The following FBF1 variants were observed in gnomAD, a reference collection of about 807,000 sequenced individuals.
FBF1 encodes the protein fas-binding factor 1.
A neutral mutation model predicts 147.2 loss-of-function variants in FBF1; 119 were observed. The observed-to-expected ratio is 0.81, with a 90% CI of 0.70 to 0.94. The LOEUF (loss-of-function observed/expected upper bound fraction) is 0.94, where lower values mean the gene tolerates loss of function less well. Ranked by LOEUF, FBF1 falls within the 40% of genes least tolerant of loss-of-function variation. The pLI, the probability that FBF1 is intolerant of heterozygous loss-of-function variation, is 0.00. For missense variants in FBF1, 1,449 were observed against 1,500.8 expected, an observed-to-expected ratio of 0.97 and a Z score of 0.57; for synonymous variants, 601 against 609.0, an observed-to-expected ratio of 0.99 and a Z score of 0.19.
intron 4 of FBF1, among the ~76,000 whole-genome samples, chr17:75,934,268 T>C (rs932798792): frequency 6.6e-6 from 1 of 152,148 alleles, no homozygotes; most frequent in African/African-American, 2.4e-5. Context: ...TTATGCTACA[T>C]CAGAGAAGCT....
chr17:75,913,869 G>T, intron 27 of FBF1, 44 bp downstream of exon 27: 1 of 1,558,894 alleles, frequency 6.4e-7, no homozygotes, highest in Non-Finnish European at 8.6e-7. Context: ...GTGGGAGGCT[G>T]GGGGTGCCGG....
chr17:75,929,964 C>CCCCAAAAAAAAAA, intron 7 of FBF1, 33 bp downstream of exon 7: 2 of 1,402,194 alleles, frequency 1.4e-6, no homozygotes, highest in Non-Finnish European at 2.0e-6. Flanking sequence ...CACCCACCCC[C>CCCCAAAAAAAAAA]AGTTCTAAGA....
chr17:75,938,743 G>A (rs539920110), intron 1 of FBF1, among the ~76,000 whole-genome samples: 1 of 151,814 alleles, frequency 6.6e-6, no homozygotes, highest in South Asian at 2.1e-4. Context: ...GCAGGCACCT[G>A]TAATCCCAGC....
At chr17:75,914,970 T>G in intron 24 of FBF1, 38 bp from the exon 25 acceptor site, 3 of 1,612,098 alleles carry the variant, frequency 1.9e-6, no homozygotes, top group Non-Finnish European at 2.5e-6. Context: ...TGAGTGTCCC[T>G]GGGCATAATG....
At chr17:75,921,841 CGG>C in intron 15 of FBF1, 102 bp downstream of exon 15, 1 of 1,060,568 alleles carries the variant, frequency 9.4e-7, no homozygotes, top group Non-Finnish European at 1.4e-6. Context: ...GACACGGGGA[CGG>C]GGCAGGGGCA....
At chr17:75,921,808 C>T in intron 15 of FBF1, 137 bp downstream of exon 15, 1 of 803,092 alleles carries the variant, frequency 1.2e-6, no homozygotes, top group Non-Finnish European at 2.0e-6. Context: ...AGGGACGGAG[C>T]AGGGTGGGCA....
In FBF1 at chr17:75,914,738, G is replaced by A. The variant is rs1341800458; in HGVS notation, c.2814+9C>T. On this transcript the variant is annotated intron_variant, in intron 25 of 29. Transcript: ENST00000636174. ...GGGCCCTCCACTGTCCGGAGGCTCT[G>A]GGCCCTACCTTGGCCAGGCTGATGA... is the stretch of plus-strand genomic sequence containing the variant. 3 of 1,552,580 alleles carry A rather than the reference G, an allele frequency of 1.9e-6. No homozygotes were observed. The highest frequency in any genetic ancestry group is 2.6e-6 in the Non-Finnish European group (3 of 1,149,146).
chr17:75,929,945 A>ACGCCC, intron 7 of FBF1, 52 bp downstream of exon 7: 3 of 650,908 alleles, frequency 4.6e-6, no homozygotes, highest in Non-Finnish European at 8.4e-6. Flanking sequence ...AAATATCATG[A>ACGCCC]CCCCACCCCA....
At chr17:75,929,964 C>CCCCAAAAAAA in intron 7 of FBF1, 33 bp downstream of exon 7, 2 of 1,402,194 alleles carry the variant, frequency 1.4e-6, no homozygotes, top group Non-Finnish European at 9.9e-7. Context: ...CACCCACCCC[C>CCCCAAAAAAA]AGTTCTAAGA....
chr17:75,930,433 A>G (rs2144187390), intron 6 of FBF1, among the ~76,000 whole-genome samples: 1 of 152,264 alleles, frequency 6.6e-6, no homozygotes, highest in African/African-American at 2.4e-5. Context: ...TCATCTTACT[A>G]CAGGAAAGAG....
In FBF1 at chr17:75,914,812, G is replaced by C. The variant is rs1467829133; in HGVS notation, c.2749C>G (p.Arg917Gly). The C allele has an allele frequency of 6.3e-7, 1 of 1,577,064 alleles. No homozygotes were observed. The highest frequency in any genetic ancestry group is 1.8e-5 in the Admixed American group (1 of 54,236). ...ACCTGCAATGCCCGCTCGGCCTCGC[G>C]CTCGGCCCGCTCCTTACTCAGCTTT... ...QQKLSKERAE[R>G]EAERALQVDT... Residue 917 changes from arginine (R) to glycine (G), a missense_variant, in exon 25 of 30, where the codon CGC (arginine) becomes GGC (glycine). Physicochemically the swap from Arg to Gly is moderately radical, Grantham distance 125. Transcript: ENST00000636174.
At chr17:75,937,807 G>A in intron 2 of FBF1, 2 of 649,260 alleles carry the variant, frequency 3.1e-6, no homozygotes, top group Non-Finnish European at 2.7e-6. Context: ...AGCGATGGGT[G>A]CCAATGGGCG....
chr17:75,930,291 CA>C (rs2144187155), intron 6 of FBF1, among the ~76,000 whole-genome samples: 1 of 152,302 alleles, frequency 6.6e-6, no homozygotes, highest in African/African-American at 2.4e-5. Flanking sequence ...TCCTTCCAAC[CA>C]TAGAGAACTC....
chr17:75,936,975 G>A (rs182094714), intron 3 of FBF1, among the ~76,000 whole-genome samples: 3 of 152,122 alleles, frequency 2.0e-5, no homozygotes, highest in Non-Finnish European at 2.9e-5. Flanking sequence ...TATGAATATC[G>A]AATTCGTTTC....
intron 10 of FBF1, 63 bp downstream of exon 10, chr17:75,926,695 C>T: frequency 6.4e-7 from 1 of 1,562,370 alleles, no homozygotes; most frequent in Non-Finnish European, 8.7e-7. Flanking sequence ...ACCAGAAAGG[C>T]TGGTTAGCTT....
intron 3 of FBF1, among the ~76,000 whole-genome samples, chr17:75,936,456 C>T (rs1488908396): frequency 6.6e-6 from 1 of 152,120 alleles, no homozygotes; most frequent in Non-Finnish European, 1.5e-5. Context: ...CGCGCCACTG[C>T]ATTCCAGCCT....
Position 75,935,474 on chromosome 17 carries a change from C to T in FBF1, c.73+158G>A, listed in dbSNP as rs1027223662. 3.3e-5 allele frequency among the ~76,000 whole-genome samples: 5 copies of T among 151,898 alleles called. No individual in the cohort carries two copies. In the East Asian group the frequency reaches 5.8e-4, roughly 18 times the overall value. On this transcript the variant is annotated intron_variant, in intron 4 of 29. Transcript: ENST00000636174. ...ATATATCTCAATTTTTAAAAAAGGC[C>T]GGGTGTAGTGGCTTATGCCTGTAAT...
At chr17:75,935,194 T>C (rs1451313956) in intron 4 of FBF1, among the ~76,000 whole-genome samples, 1 of 150,924 alleles carries the variant, frequency 6.6e-6, no homozygotes, top group Non-Finnish European at 1.5e-5. Context: ...AGACGGAGTC[T>C]CGCTCTGTCG....
chr17:75,921,951 A>G lies in FBF1; in HGVS notation c.1520T>C (p.Val507Ala). Residue 507 changes from valine to alanine, a missense_variant, in exon 15 of 30, where the codon GTC (valine) becomes GCC (alanine). By Grantham distance (64) the Val-to-Ala change is moderately conservative (BLOSUM62 0). Coordinates refer to ENST00000636174, the MANE Select transcript of FBF1 (RefSeq NM_001319193.2). ...GCCCGCAGCCCAGGCCTACCCCGAGACACCAGGCCTGACACACGGTCTTTC... is the reference window on the plus strand; with the variant it reads ...GCCCGCAGCCCAGGCCTACCCCGAGGCACCAGGCCTGACACACGGTCTTTC... ...ARERPCVRPG[V>A]SGSPVTQNHA... The G allele has an allele frequency of 1.9e-6, 3 of 1,550,704 alleles. No homozygotes were observed. Among genetic ancestry groups the G allele is most frequent in the Non-Finnish European group, 2.6e-6 (3 of 1,146,806 alleles).
Sources: allele counts gnomAD v4.1 joint callset (sites outside exome capture counted in the v4.1 genomes callset), GRCh38; gene constraint gnomAD v4.1.1; transcripts MANE v1.5; gene names NCBI Gene and HGNC (gene_info 2026-07-23, HGNC 2026-07-21).